The following BCO2 variants were observed in gnomAD, a reference collection of about 807,000 sequenced individuals.
BCO2 encodes the protein beta-carotene oxygenase 2, also known as carotenoid-cleaving dioxygenase, mitochondrial.
BCO2 carries 56 observed loss-of-function variants against 65.8 expected under a neutral mutation model. The observed-to-expected ratio is 0.85, with a 90% confidence interval of 0.69 to 1.06. The LOEUF is 1.06. Among genes scored for constraint, BCO2 ranks in the 50% least tolerant of loss-of-function variants. BCO2 has a pLI of 0.00. For synonymous variants in BCO2, 233 were observed against 242.3 expected (o/e 0.96, Z 0.36); for missense variants, 675 against 698.5 (o/e 0.97, Z 0.38).
At chr11:112,201,997 T>C (rs760224720) in intron 7 of BCO2, 26 bp from the exon 8 acceptor site, 1 of 1,525,748 alleles carries the variant, frequency 6.6e-7, no homozygotes, top group African/African-American at 1.4e-5. Context: ...AAAAATTTTT[T>C]TCATTGTTTG....
At chr11:112,207,678 C>T (rs1859384236) in intron 8 of BCO2, among the ~76,000 whole-genome samples, 5 of 152,192 alleles carry the variant, frequency 3.3e-5, no homozygotes, top group Admixed American at 3.3e-4. Context: ...GTCAGTTCCC[C>T]ACACAAAAAT....
chr11:112,206,404 G>A (rs896287661), intron 8 of BCO2, among the ~76,000 whole-genome samples: 8 of 152,234 alleles, frequency 5.3e-5, no homozygotes, highest in Non-Finnish European at 8.8e-5. Flanking sequence ...GGCGGCGGCC[G>A]GCTTTTCCCA....
chr11:112,214,215 C>T (rs934844764), intron 9 of BCO2, among the ~76,000 whole-genome samples: 11 of 152,002 alleles, frequency 7.2e-5, no homozygotes, highest in African/African-American at 2.4e-4. Context: ...GGTGCTATCT[C>T]GGCTCACTGC....
At chr11:112,207,149 A>G (rs1859366081) in intron 8 of BCO2, among the ~76,000 whole-genome samples, 1 of 152,178 alleles carries the variant, frequency 6.6e-6, no homozygotes, top group Non-Finnish European at 1.5e-5. Flanking sequence ...TCTAATACTT[A>G]GGGCTTTATT....
chr11:112,194,047 A>G, intron 4 of BCO2, 53 bp downstream of exon 4: 4 of 1,037,924 alleles, frequency 3.9e-6, no homozygotes, highest in Admixed American at 3.5e-5. Context: ...ATTTCTTTCC[A>G]TTTGAAATAC....
intron 2 of BCO2, chr11:112,180,791 T>A: frequency 4.0e-6 from 4 of 998,138 alleles, no homozygotes; most frequent in Non-Finnish European, 6.5e-6. Context: ...GATGACCCTG[T>A]TCCTGAACGG....
intron 5 of BCO2, among the ~76,000 whole-genome samples, chr11:112,198,412 A>G (rs1286472946): frequency 6.6e-6 from 1 of 152,116 alleles, no homozygotes; most frequent in African/African-American, 2.4e-5. Flanking sequence ...AGAATATAGT[A>G]CTAAGAACAC....
chr11:112,178,070 G>A (rs1185252503), intron 1 of BCO2, among the ~76,000 whole-genome samples: 12 of 148,180 alleles, frequency 8.1e-5, no homozygotes, highest in African/African-American at 2.7e-4. Flanking sequence ...CAACACACCC[G>A]GCTATTTTTT....
intron 5 of BCO2, among the ~76,000 whole-genome samples, chr11:112,198,250 G>A (rs4937176): frequency 0.38 from 57,340 of 151,736 alleles, 11,186 homozygotes; most frequent in South Asian, 0.6. Flanking sequence ...TTGAGACCAG[G>A]AGTTCGAGGC....
chr11:112,217,970 G>A lies in BCO2; in HGVS notation c.*96G>A, dbSNP rs116545623. The A allele has an allele frequency of 5.5e-4, 474 of 863,382 alleles. No homozygotes were observed. In the African/African-American group the frequency reaches 7.2e-3, roughly 13 times the overall value. 53.5% of individuals were successfully genotyped at this position (863,382 alleles called of 1,614,324 possible). Reference sequence around the variant, plus strand: ...AAACACTGAGGACTCCAAAAGGGGGGCAAGGAGGAAGAGGGGCAGGGGTTA... The same window carrying A: ...AAACACTGAGGACTCCAAAAGGGGGACAAGGAGGAAGAGGGGCAGGGGTTA... On this transcript the variant is annotated 3_prime_UTR_variant, in exon 12 of 12. Transcript: ENST00000357685.
chr11:112,200,966 T>G (rs1370738446), intron 7 of BCO2, among the ~76,000 whole-genome samples, 193 bp downstream of exon 7: 1 of 152,170 alleles, frequency 6.6e-6, no homozygotes, highest in Admixed American at 6.5e-5. Context: ...TAGAGAATTA[T>G]AGGAAATGAT....
In BCO2 at chr11:112,216,315, G is replaced by A; in HGVS notation, c.1611G>A (p.Val537=). The change falls in exon 11 of 12, where the codon GTG becomes GTA. Residue 537 remains valine, a synonymous_variant. Transcript: ENST00000357685. ...ATGGTGGGGTTATTCTTTCTGTGGT[G>A]ATCACTCCCAACCAGGTAAATATAT... The part of the protein sequence containing the change: ...EEDGGVILSV[V]ITPNQNESNF... 1 of 1,613,450 alleles carries A rather than the reference G, an allele frequency of 6.2e-7. No homozygotes were observed. Among genetic ancestry groups the A allele is most frequent in the Non-Finnish European group, 8.5e-7 (1 of 1,179,426 alleles).
chr11:112,213,120 TAATTA>T (rs977114579), intron 8 of BCO2, among the ~76,000 whole-genome samples: 1 of 148,106 alleles, frequency 6.8e-6, no homozygotes, highest in Non-Finnish European at 1.5e-5. Context: ...TATTTGATGC[TAATTA>T]AATAACTTTT....
chr11:112,215,129 A>G lies in BCO2; in HGVS notation c.1515+185A>G, dbSNP rs535190751. The G allele has an allele frequency of 1.0e-5, 6 of 601,952 alleles. No homozygotes were observed. The African/African-American group carries it at 1.1e-4, about 11-fold the overall frequency. The allele number at this position is 601,952 out of a possible 1,614,324, so 37.3% of individuals were successfully genotyped here. ...TGTTCCTTCTAGGGAATCCAAATTG[A>G]CCCCAGGCCCAGCAAAATAATTCTA... On this transcript the variant is annotated intron_variant, in intron 10 of 11. Transcript: ENST00000357685.
chr11:112,202,927 G>A (rs1221465500), intron 8 of BCO2, among the ~76,000 whole-genome samples: 2 of 151,774 alleles, frequency 1.3e-5, no homozygotes, highest in African/African-American at 4.8e-5. Flanking sequence ...GTGGGTGCCT[G>A]TAATCCCAGC....
intron 2 of BCO2, among the ~76,000 whole-genome samples, chr11:112,187,040 A>G (rs545280716): frequency 6.6e-6 from 1 of 152,222 alleles, no homozygotes; most frequent in African/African-American, 2.4e-5. Flanking sequence ...CCACACTTGG[A>G]ACTTACTATA....
intron 8 of BCO2, among the ~76,000 whole-genome samples, chr11:112,210,116 T>G (rs1431377786): frequency 6.6e-6 from 1 of 152,214 alleles, no homozygotes; most frequent in African/African-American, 2.4e-5. Flanking sequence ...GATCTACAGT[T>G]CTAGAATATT....
At chr11:112,207,027 A>G (rs1398111509) in intron 8 of BCO2, among the ~76,000 whole-genome samples, 1 of 152,170 alleles carries the variant, frequency 6.6e-6, no homozygotes, top group African/African-American at 2.4e-5. Context: ...TATTATCTTC[A>G]TATCCAGAGA....
chr11:112,191,181 A>G (rs1389045668), intron 2 of BCO2, among the ~76,000 whole-genome samples: 1 of 151,820 alleles, frequency 6.6e-6, no homozygotes, highest in East Asian at 1.9e-4. Context: ...GGACTAGTAA[A>G]GTAAAATTAT....
Sources: allele counts gnomAD v4.1 joint callset (sites outside exome capture counted in the v4.1 genomes callset), GRCh38; gene constraint gnomAD v4.1.1; transcripts MANE v1.5; gene names NCBI Gene and HGNC (gene_info 2026-07-23, HGNC 2026-07-21).